Variants in CACNA1E observed in about 807,000 individuals in gnomAD.
CACNA1E encodes the protein voltage-dependent R-type calcium channel subunit alpha-1E.
A neutral mutation model predicts 259.2 loss-of-function variants in CACNA1E; 40 were observed. The observed-to-expected ratio is 0.15, with a 90% CI of 0.12 to 0.20. The LOEUF (loss-of-function observed/expected upper bound fraction) is 0.20. CACNA1E is among the 10% of genes least tolerant of loss of function. The pLI is 1.00. For missense variants in CACNA1E, 1,874 were observed against 3,040.1 expected (o/e 0.62, Z 9.02); for synonymous variants, 1,104 against 1,138.5 (o/e 0.97, Z 0.61).
chr1:181,732,566 A>G lies in CACNA1E; in HGVS notation c.2480A>G (p.Tyr827Cys), dbSNP rs778587785. 4 of 1,539,294 alleles carry G rather than the reference A, an allele frequency of 2.6e-6. No homozygotes were observed. Among genetic ancestry groups the G allele is most frequent in the South Asian group, 1.2e-5 (1 of 82,232 alleles). ...LNPLNAHPSLYRRPRAIEGLA... is the reference protein window; with the variant it reads ...LNPLNAHPSLCRRPRAIEGLA... ...CCGCTCAATGCCCACCCCAGCCTTT[A>G]TCGGCGACCCAGGGCCATTGAGGGC... Residue 827 changes from tyrosine to cysteine, a missense_variant, in exon 20 of 48, where the codon TAT (tyrosine) becomes TGT (cysteine). Physicochemically the swap from Tyr to Cys is radical, Grantham distance 194. Around this residue, in one of 14 missense-constraint regions of CACNA1E, gnomAD observed 476 missense variants for 514.0 expected, o/e 0.93. Coordinates refer to ENST00000367573, the MANE Select transcript of CACNA1E (RefSeq NM_001205293.3). The surrounding 1 kb of genome is among the most constrained non-coding windows in gnomAD (Gnocchi z 5.5).
At chr1:181,545,400 C>T (rs1457460908) in intron 3 of CACNA1E, among the ~76,000 whole-genome samples, 1 of 152,154 alleles carries the variant, frequency 6.6e-6, no homozygotes, top group Admixed American at 6.5e-5. Flanking sequence ...TTCGTCCATT[C>T]CAGGGACTCA....
chr1:181,713,766 T>G (rs554334044), intron 8 of CACNA1E, among the ~76,000 whole-genome samples: 1 of 152,176 alleles, frequency 6.6e-6, no homozygotes, highest in Non-Finnish European at 1.5e-5. Flanking sequence ...TTACTCCTCA[T>G]AGGGCATGCA....
chr1:181,543,444 A>G (rs1198175324), intron 3 of CACNA1E, among the ~76,000 whole-genome samples: 1 of 152,220 alleles, frequency 6.6e-6, no homozygotes, highest in African/African-American at 2.4e-5. Flanking sequence ...TCCCCAATGT[A>G]ATGATATTTG....
chr1:181,803,164 C>T lies in CACNA1E; in HGVS notation c.*4330C>T, dbSNP rs55950030. ...AATTCTTCCCCACTAGCTCTCTCAC[C>T]CAGCCTACAAGTCCTTCTCTCATAG... On this transcript the variant is annotated 3_prime_UTR_variant, in exon 48 of 48. Transcript: ENST00000367573. 0.22 allele frequency: 33,919 copies of T among 152,080 alleles called. 4,689 individuals carry two copies. Among genetic ancestry groups the T allele is most frequent in the Non-Finnish European group, 0.3 (20,377 of 67,992 alleles). The allele number at this position is 152,080 out of a possible 1,614,324, so 9.4% of individuals were successfully genotyped here.
chr1:181,798,851 C>T lies in CACNA1E; in HGVS notation c.*17C>T, dbSNP rs765823364. On this transcript the variant is annotated 3_prime_UTR_variant, in exon 48 of 48. Transcript: ENST00000367573. This position sits in a 1 kb window ranked among gnomAD's most constrained non-coding sequence, Gnocchi z 4.2. ...AAATGCTAGAGGCTGCTCCCCCCTC[C>T]GATGCATGCTCTTCTCTCACATGGA... 1.1e-5 allele frequency: 17 copies of T among 1,494,208 alleles called. No homozygotes were observed. Among genetic ancestry groups the T allele is most frequent in the African/African-American group, 5.6e-5 (4 of 71,916 alleles). 92.6% of individuals were successfully genotyped at this position (1,494,208 alleles called of 1,614,324 possible).
At chr1:181,638,515 A>G (rs1447116634) in intron 6 of CACNA1E, among the ~76,000 whole-genome samples, 2 of 152,026 alleles carry the variant, frequency 1.3e-5, no homozygotes, top group Non-Finnish European at 2.9e-5. Flanking sequence ...CCGAATCTTC[A>G]CCCAGCTTCA....
At chr1:181,706,710 G>C (rs1350679363) in intron 7 of CACNA1E, among the ~76,000 whole-genome samples, 1 of 152,150 alleles carries the variant, frequency 6.6e-6, no homozygotes, top group Admixed American at 6.5e-5. Flanking sequence ...TTTAAATGTT[G>C]ACTTCTAGAT....
At chr1:181,629,105 C>A (rs954849534) in intron 6 of CACNA1E, among the ~76,000 whole-genome samples, 5 of 152,072 alleles carry the variant, frequency 3.3e-5, no homozygotes, top group African/African-American at 1.2e-4. Flanking sequence ...CTTCCCAGGG[C>A]AGGGGTTACT....
intron 15 of CACNA1E, among the ~76,000 whole-genome samples, chr1:181,721,243 T>TC (rs1487330065): frequency 6.6e-6 from 1 of 151,772 alleles, no homozygotes; most frequent in East Asian, 1.9e-4. Flanking sequence ...CCATCCCTAC[T>TC]CCCCCCAAAA....
At chr1:181,706,018 ATC>A (rs1293087026) in intron 7 of CACNA1E, among the ~76,000 whole-genome samples, 1 of 151,322 alleles carries the variant, frequency 6.6e-6, no homozygotes, top group Non-Finnish European at 1.5e-5. Context: ...TTTCTGTTGC[ATC>A]TCTCGGTGTA....
intron 1 of CACNA1E, among the ~76,000 whole-genome samples, chr1:181,322,336 C>T (rs1455209067): frequency 6.6e-6 from 1 of 152,134 alleles, no homozygotes; most frequent in African/African-American, 2.4e-5. Context: ...GAAGGAGAGA[C>T]ATGGTCTTTG....
chr1:181,549,236 A>G (rs1304948431), intron 3 of CACNA1E, among the ~76,000 whole-genome samples: 1 of 152,216 alleles, frequency 6.6e-6, no homozygotes, highest in Non-Finnish European at 1.5e-5. Flanking sequence ...TTAACACCAC[A>G]GCTCCATCAG....
At chr1:181,525,373 T>G (rs1667279421) in intron 3 of CACNA1E, among the ~76,000 whole-genome samples, 1 of 152,262 alleles carries the variant, frequency 6.6e-6, no homozygotes, top group African/African-American at 2.4e-5. Flanking sequence ...AACTAGCCAT[T>G]GAACTGTTGT....
In CACNA1E at chr1:181,511,564, A is replaced by T. The variant is rs955646516; in HGVS notation, c.512+54A>T. The stretch of plus-strand genomic sequence containing the variant: ...TGTGTGTATGAAGGGGGTTGGTATC[A>T]TGAGGTGGCTGGGGGCAGGGAACCT... On this transcript the variant is annotated intron_variant, in intron 3 of 47. Coordinates refer to ENST00000367573, the MANE Select transcript of CACNA1E (RefSeq NM_001205293.3). 43 of 1,596,908 alleles carry T rather than the reference A, an allele frequency of 2.7e-5. No individual in the cohort carries two copies. In the African/African-American group the frequency reaches 5.8e-4, roughly 21 times the overall value.
intron 1 of CACNA1E, among the ~76,000 whole-genome samples, chr1:181,498,923 T>C (rs1445112592): frequency 1.3e-5 from 2 of 152,120 alleles, no homozygotes; most frequent in African/African-American, 4.8e-5. Context: ...GATATAAGGA[T>C]CATGACTAAT....
chr1:181,379,141 A>G (rs574851718), intron 1 of CACNA1E, among the ~76,000 whole-genome samples: 14 of 152,330 alleles, frequency 9.2e-5, no homozygotes, highest in Admixed American at 3.3e-4. Context: ...AACAGAGGCC[A>G]AGTCCATAGC....
intron 6 of CACNA1E, among the ~76,000 whole-genome samples, chr1:181,590,416 A>ATATATATATATATAT (rs1419171903): frequency 7.3e-4 from 84 of 115,858 alleles, no homozygotes; most frequent in African/African-American, 3.0e-3. Flanking sequence ...AAAAAAAAAA[A>ATATATATATATATAT]ATATATATAT....
At chr1:181,772,004 A>G (rs1659560878) in intron 36 of CACNA1E, 62 bp from the exon 37 acceptor site, 26 of 1,499,828 alleles carry the variant, frequency 1.7e-5, no homozygotes, top group Non-Finnish European at 2.4e-5. Flanking sequence ...GGGAAAGAGG[A>G]CCAAGAATAT....
At chr1:181,510,454 G>T in intron 1 of CACNA1E, 23 bp from the exon 2 acceptor site, 1 of 1,559,448 alleles carries the variant, frequency 6.4e-7, no homozygotes, top group Non-Finnish European at 8.8e-7. Flanking sequence ...TGGTGAATTT[G>T]TTCCTTAACT....
Sources: allele counts gnomAD v4.1 joint callset (sites outside exome capture counted in the v4.1 genomes callset), GRCh38; gene constraint gnomAD v4.1.1; regional missense constraint gnomAD v4.1.1; non-coding constraint Gnocchi (gnomAD v3.1); transcripts MANE v1.5; gene names NCBI Gene and HGNC (gene_info 2026-07-23, HGNC 2026-07-21).